Variants in IGSF5 observed in about 807,000 individuals in gnomAD.
IGSF5 encodes the protein immunoglobulin superfamily member 5.
Under a neutral mutation model 39.4 loss-of-function variants are expected in IGSF5, and 41 were observed. The ratio of observed to expected loss-of-function variants is 1.04; its 90% CI spans 0.81 to 1.35. The LOEUF (loss-of-function observed/expected upper bound fraction) is 1.35. Among genes scored for constraint, IGSF5 ranks in the 40% most tolerant of loss-of-function variants. IGSF5 has a pLI of 0.00. For missense variants in IGSF5, 487 were observed against 494.6 expected, an observed-to-expected ratio of 0.98 and a Z score of 0.15; for synonymous variants, 183 against 175.3, an observed-to-expected ratio of 1.04 and a Z score of -0.34.
upstream of IGSF5, among the ~76,000 whole-genome samples, chr21:39,742,021 C>T (rs1380674177): frequency 5.3e-5 from 8 of 151,894 alleles, no homozygotes; most frequent in East Asian, 1.2e-3. Context: ...TGTTGGGCCT[C>T]GGGTCTGAGG....
At chr21:39,760,224 A>G (rs983927478) in intron 2 of IGSF5, among the ~76,000 whole-genome samples, 1 of 152,214 alleles carries the variant, frequency 6.6e-6, no homozygotes, top group Non-Finnish European at 1.5e-5. Flanking sequence ...TTATTCACTC[A>G]GTACATATTC....
chr21:39,742,323 T>A (rs1219057591), upstream of IGSF5, among the ~76,000 whole-genome samples: 2 of 152,140 alleles, frequency 1.3e-5, no homozygotes, highest in Non-Finnish European at 2.9e-5. Flanking sequence ...CTGGAAGAAG[T>A]ATCTAGTGAC....
the IGSF5 span, among the ~76,000 whole-genome samples, chr21:39,719,470 T>C: frequency 5.3e-5 from 8 of 152,186 alleles, no homozygotes; most frequent in Non-Finnish European, 8.8e-5. Context: ...GGTGACCTCA[T>C]TTCCTTGGAG....
intron 3 of IGSF5, among the ~76,000 whole-genome samples, chr21:39,768,670 G>A (rs376229476): frequency 4.6e-4 from 70 of 152,256 alleles, no homozygotes; most frequent in Non-Finnish European, 8.5e-4. Context: ...ATCTTAAACC[G>A]TCTCTCTGTC....
intron 4 of IGSF5, among the ~76,000 whole-genome samples, chr21:39,774,260 AAGG>A (rs1188151153): frequency 6.6e-6 from 1 of 152,228 alleles, no homozygotes; most frequent in Admixed American, 6.5e-5. Context: ...ACGAGGCTGT[AAGG>A]AGAACAGCCA....
At chr21:39,749,078 C>A (rs575058863) in intron 2 of IGSF5, among the ~76,000 whole-genome samples, 66 of 152,090 alleles carry the variant, frequency 4.3e-4, no homozygotes, top group Non-Finnish European at 8.1e-4. Context: ...TGGGAGCCAA[C>A]AAAGGAAGTA....
chr21:39,766,911 A>G (rs1481017661), intron 3 of IGSF5, among the ~76,000 whole-genome samples: 1 of 152,150 alleles, frequency 6.6e-6, no homozygotes, highest in Non-Finnish European at 1.5e-5. Flanking sequence ...TTGCTATTAA[A>G]TCAGATTTGA....
the IGSF5 span, among the ~76,000 whole-genome samples, chr21:39,725,594 G>A: frequency 6.6e-6 from 1 of 152,092 alleles, no homozygotes; most frequent in Non-Finnish European, 1.5e-5. Flanking sequence ...CCTCCTTCAG[G>A]GACAAAGCAG....
At chr21:39,776,594 C>T (rs1473251957) in intron 4 of IGSF5, among the ~76,000 whole-genome samples, 2 of 152,132 alleles carry the variant, frequency 1.3e-5, no homozygotes, top group Non-Finnish European at 2.9e-5. Context: ...GTCACCATTC[C>T]CAGCAAAGTG....
intron 1 of IGSF5, among the ~76,000 whole-genome samples, 166 bp downstream of exon 1, chr21:39,745,692 C>G (rs557403912): frequency 6.6e-6 from 1 of 152,090 alleles, no homozygotes; most frequent in Admixed American, 6.6e-5. Flanking sequence ...GACCAATGTC[C>G]CCAACAACCC....
chr21:39,776,543 T>A (rs1045977178), intron 4 of IGSF5, among the ~76,000 whole-genome samples: 3 of 151,962 alleles, frequency 2.0e-5, no homozygotes, highest in Non-Finnish European at 4.4e-5. Flanking sequence ...GACAAAAGAG[T>A]GTTTAAAGTC....
intron 3 of IGSF5, 97 bp downstream of exon 3, chr21:39,765,949 T>C: frequency 8.8e-7 from 1 of 1,132,574 alleles, no homozygotes; most frequent in African/African-American, 1.5e-5. Context: ...GCAGACGTGG[T>C]CTACCTTCAG....
At chr21:39,726,097 G>T in the IGSF5 span, 1 of 152,224 alleles carries the variant, frequency 6.6e-6, no homozygotes, top group Non-Finnish European at 1.5e-5. Flanking sequence ...TATGTTGTCT[G>T]GTTCCTAATC....
the IGSF5 span, among the ~76,000 whole-genome samples, chr21:39,725,003 G>C: frequency 4.7e-4 from 72 of 152,228 alleles, no homozygotes; most frequent in Non-Finnish European, 9.7e-4. Context: ...AGAGAGCTGT[G>C]CTAAAGAACC....
At chr21:39,716,406 G>A in the IGSF5 span, among the ~76,000 whole-genome samples, 12 of 152,020 alleles carry the variant, frequency 7.9e-5, no homozygotes, top group African/African-American at 2.4e-4. Context: ...AGATAAACAC[G>A]TGTCATGGGG....
At chr21:39,795,507 G>A (rs1461133041) in intron 8 of IGSF5, among the ~76,000 whole-genome samples, 1 of 151,500 alleles carries the variant, frequency 6.6e-6, no homozygotes. Flanking sequence ...AGGAGATTCA[G>A]AATAGGGTCA....
At chr21:39,724,480 T>G in the IGSF5 span, among the ~76,000 whole-genome samples, 1 of 152,152 alleles carries the variant, frequency 6.6e-6, no homozygotes, top group Non-Finnish European at 1.5e-5. Context: ...GCTGTTCTTG[T>G]GATAGTGAAT....
chr21:39,795,947 A>G (rs1242478778), intron 8 of IGSF5, among the ~76,000 whole-genome samples: 1 of 151,992 alleles, frequency 6.6e-6, no homozygotes, highest in African/African-American at 2.4e-5. Context: ...GGATCTTTCT[A>G]CTCATCATGG....
At chr21:39,737,332 C>T in the IGSF5 span, among the ~76,000 whole-genome samples, 1 of 152,160 alleles carries the variant, frequency 6.6e-6, no homozygotes, top group African/African-American at 2.4e-5. Flanking sequence ...AGCAAGCACT[C>T]AGCTCTGCAC....
Sources: allele counts gnomAD v4.1 joint callset (sites outside exome capture counted in the v4.1 genomes callset), GRCh38; gene constraint gnomAD v4.1.1; transcripts MANE v1.5; gene names NCBI Gene and HGNC (gene_info 2026-07-23, HGNC 2026-07-21).